The following ERC1 variants were observed in gnomAD, a reference collection of about 807,000 sequenced individuals.
The protein encoded by ERC1 is RAB6 interacting protein 2.
In ERC1, 56 loss-of-function variants were observed where a neutral mutation model predicts 132.0. The observed-to-expected ratio is 0.42, with a 90% CI of 0.34 to 0.53. The LOEUF is 0.53. ERC1 is among the 20% of genes least tolerant of loss of function. The pLI, the probability that ERC1 is intolerant of heterozygous loss-of-function variation, is 0.03. For synonymous variants in ERC1, 478 were observed against 476.1 expected, an observed-to-expected ratio of 1.00 and a Z score of -0.05; for missense variants, 1,202 against 1,349.9, an observed-to-expected ratio of 0.89 and a Z score of 1.72.
chr12:1,137,615 C>T (rs886865999), intron 7 of ERC1, among the ~76,000 whole-genome samples: 2 of 151,116 alleles, frequency 1.3e-5, no homozygotes, highest in Non-Finnish European at 1.5e-5. Context: ...TTTGGGAGGC[C>T]GAGGCAGGCA....
Position 1,467,374 on chromosome 12 carries a change from G to A in ERC1, c.3213+22624G>A, listed in dbSNP as rs184819853. On this transcript the variant is annotated intron_variant, in intron 18 of 18. Transcript: ENST00000360905. Reference sequence around the variant, plus strand: ...TCCTTAGCGTGCCCAGTGTATCTAGGATGATACAAACAGGAAGAGACTGGG... The same window carrying A: ...TCCTTAGCGTGCCCAGTGTATCTAGAATGATACAAACAGGAAGAGACTGGG... Among the ~76,000 whole-genome samples, 386 of 152,232 alleles carry A rather than the reference G, an allele frequency of 2.5e-3. 1 individual carries two copies. The highest frequency in any genetic ancestry group is 0.014 in the Middle Eastern group (4 of 294).
chr12:1,328,985 TAAA>T (rs113967541), intron 15 of ERC1, among the ~76,000 whole-genome samples: 18,072 of 86,680 alleles, frequency 0.21, 3,357 homozygotes, highest in African/African-American at 0.44. Flanking sequence ...TAAAAGTTAC[TAAA>T]AAAAAAAAAA....
In ERC1 at chr12:1,134,814, C is replaced by T. The variant is rs536762695; in HGVS notation, c.1570-6806C>T. On this transcript the variant is annotated intron_variant, in intron 7 of 18. Coordinates refer to ENST00000360905, the MANE Select transcript of ERC1 (RefSeq NM_178040.4). ...CGTGATCTCAGCTCACTGCAACCTC[C>T]GCCTCCCGGGTTCAAGTGATTCTCC... is the stretch of plus-strand genomic sequence containing the variant. Among the ~76,000 whole-genome samples the T allele has an allele frequency of 2.6e-5, 4 of 151,344 alleles. No individual in the cohort carries two copies. In the East Asian group the frequency reaches 7.8e-4, roughly 29 times the overall value.
chr12:1,406,872 C>G (rs2154394109), intron 16 of ERC1, among the ~76,000 whole-genome samples: 1 of 152,216 alleles, frequency 6.6e-6, no homozygotes, highest in Non-Finnish European at 1.5e-5. Flanking sequence ...GAGACTCTCT[C>G]TAAAATATAA....
chr12:1,210,887 C>CA (rs1957803953), intron 12 of ERC1, among the ~76,000 whole-genome samples: 1 of 151,470 alleles, frequency 6.6e-6, no homozygotes, highest in Admixed American at 6.6e-5. Context: ...CCCAGCTACT[C>CA]AGGAGGCTGA....
intron 15 of ERC1, among the ~76,000 whole-genome samples, chr12:1,357,930 A>T (rs1240516960): frequency 6.6e-6 from 1 of 152,172 alleles, no homozygotes; most frequent in Admixed American, 6.6e-5. Flanking sequence ...GATTTGAGTA[A>T]ATCCCTAACA....
At chr12:1,416,054 A>G (rs1196572934) in intron 17 of ERC1, among the ~76,000 whole-genome samples, 1 of 152,152 alleles carries the variant, frequency 6.6e-6, no homozygotes, top group Admixed American at 6.6e-5. Flanking sequence ...ATTACACCAT[A>G]CCCAAAGAGG....
intron 15 of ERC1, among the ~76,000 whole-genome samples, chr12:1,344,308 T>TCATG (rs1330137959): frequency 6.6e-6 from 1 of 152,180 alleles, no homozygotes; most frequent in Non-Finnish European, 1.5e-5. Flanking sequence ...TCTTCGCTAA[T>TCATG]CATGAGCTGT....
Position 1,266,630 on chromosome 12 carries a change from C to T in ERC1, c.2619+3465C>T, listed in dbSNP as rs147531739. ...ATGTTGGCCAGGCTGGTCTCGAACT[C>T]CTGACCTCAAGTGATCCGCCCGCCT... On this transcript the variant is annotated intron_variant, in intron 14 of 18. Transcript: ENST00000360905. 4.6e-5 allele frequency among the ~76,000 whole-genome samples: 7 copies of T among 152,000 alleles called. No homozygotes were observed. In the East Asian group the frequency reaches 1.4e-3, roughly 29 times the overall value.
chr12:1,249,968 C>T (rs1266208978), intron 13 of ERC1, among the ~76,000 whole-genome samples: 1 of 152,156 alleles, frequency 6.6e-6, no homozygotes, highest in Non-Finnish European at 1.5e-5. Flanking sequence ...CCAAAAGCTC[C>T]ACCTCCTAAT....
chr12:1,158,300 G>GT (rs1212585351), intron 8 of ERC1, among the ~76,000 whole-genome samples: 1 of 151,946 alleles, frequency 6.6e-6, no homozygotes, highest in South Asian at 2.1e-4. Context: ...ATATTGTGTT[G>GT]TTTTTTGTAA....
intron 15 of ERC1, among the ~76,000 whole-genome samples, chr12:1,313,086 T>G (rs1170220522): frequency 6.6e-6 from 1 of 152,176 alleles, no homozygotes; most frequent in Non-Finnish European, 1.5e-5. Context: ...AGTGGCTCCA[T>G]GATACCAATG....
At chr12:1,237,231 C>T (rs2075480004) in intron 13 of ERC1, among the ~76,000 whole-genome samples, 1 of 152,144 alleles carries the variant, frequency 6.6e-6, no homozygotes, top group Non-Finnish European at 1.5e-5. Flanking sequence ...TTGCCAGTTC[C>T]ATTCATTAAA....
At chr12:1,364,265 C>G (rs997307546) in intron 15 of ERC1, among the ~76,000 whole-genome samples, 11 of 152,172 alleles carry the variant, frequency 7.2e-5, no homozygotes, top group African/African-American at 2.2e-4. Context: ...CAGTAGCATC[C>G]TGGCCTTTCC....
Position 1,436,576 on chromosome 12 carries a change from C to T in ERC1, c.3025-7986C>T, listed in dbSNP as rs140806519. 4.4e-3 allele frequency among the ~76,000 whole-genome samples: 675 copies of T among 152,238 alleles called. 1 individual carries two copies. Among genetic ancestry groups the T allele is most frequent in the Non-Finnish European group, 7.6e-3 (517 of 68,010 alleles). Reference sequence around the variant, plus strand: ...TTATACTCTTTTGCCCCCTAGGCAACAAGCGTATTGTTGTTTTTCAGATCC... The same window carrying T: ...TTATACTCTTTTGCCCCCTAGGCAATAAGCGTATTGTTGTTTTTCAGATCC... On this transcript the variant is annotated intron_variant, in intron 17 of 18. Coordinates refer to ENST00000360905, the MANE Select transcript of ERC1 (RefSeq NM_178040.4).
chr12:1,184,137 C>CAAAAAA, intron 11 of ERC1, among the ~76,000 whole-genome samples: 1 of 83,942 alleles, frequency 1.2e-5, no homozygotes. Context: ...CTCCATCTCA[C>CAAAAAA]AAAAAAAAAA....
At chr12:1,078,304 C>T (rs993923869) in intron 2 of ERC1, among the ~76,000 whole-genome samples, 1 of 152,096 alleles carries the variant, frequency 6.6e-6, no homozygotes, top group South Asian at 2.1e-4. Context: ...AGAAACTAGG[C>T]TTCAGAGAAT....
At chr12:1,440,420 A>G (rs372672337) in intron 17 of ERC1, among the ~76,000 whole-genome samples, 55 of 149,188 alleles carry the variant, frequency 3.7e-4, no homozygotes, top group East Asian at 9.9e-4. Context: ...GTTAGCCAGG[A>G]TGGTCTCGAT....
At chr12:1,053,043 C>T (rs1399045270) in intron 2 of ERC1, among the ~76,000 whole-genome samples, 1 of 151,586 alleles carries the variant, frequency 6.6e-6, no homozygotes, top group African/African-American at 2.4e-5. Context: ...TTGAATAGTT[C>T]ATGGAATTAA....
Sources: allele counts gnomAD v4.1 joint callset (sites outside exome capture counted in the v4.1 genomes callset), GRCh38; gene constraint gnomAD v4.1.1; transcripts MANE v1.5; gene names NCBI Gene and HGNC (gene_info 2026-07-23, HGNC 2026-07-21).